INTU: variants seen among roughly 807,000 people sequenced by gnomAD.
INTU encodes protein inturned.
A neutral mutation model predicts 100.5 loss-of-function variants in INTU; 68 were observed. That is an observed-to-expected ratio of 0.68 (90% confidence interval 0.56 to 0.83). The LOEUF is 0.83. INTU is among the 40% of genes least tolerant of loss of function. The probability of loss-of-function intolerance (pLI) is 0.00; values close to 1 mark genes in which losing one functional copy is unlikely to be tolerated. For synonymous variants in INTU, 357 were observed against 395.7 expected, an observed-to-expected ratio of 0.90 and a Z score of 1.16; for missense variants, 1,071 against 1,114.7, an observed-to-expected ratio of 0.96 and a Z score of 0.56.
chr4:127,674,112 A>G lies in INTU; in HGVS notation c.1092-12A>G, dbSNP rs1729062485. The G allele has an allele frequency of 2.6e-6, 4 of 1,555,974 alleles. No homozygotes were observed. The African/African-American group carries it at 4.2e-5, about 16-fold the overall frequency. On this transcript the variant is annotated splice_polypyrimidine_tract_variant and intron_variant, in intron 5 of 15. Transcript: ENST00000335251. ...GGTATTCTAACCTTATTTTGAATAT[A>G]TTGTTTCTTAGTTCATCCCTCCTTT...
Position 127,719,877 on chromosome 4 carries a change from T to A in INTU, c.*3441T>A, listed in dbSNP as rs908670496. 2.6e-5 allele frequency: 4 copies of A among 152,146 alleles called. No homozygotes were observed. Among genetic ancestry groups the A allele is most frequent in the Admixed American group, 2.6e-4 (4 of 15,280 alleles). The allele number at this position is 152,146 out of a possible 1,614,324, so 9.4% of individuals were successfully genotyped here. On this transcript the variant is annotated 3_prime_UTR_variant, in exon 16 of 16. Coordinates refer to ENST00000335251, the MANE Select transcript of INTU (RefSeq NM_015693.4). ...TCTATTTGGTTCTTCTCTCTTTTCT[T>A]CTTTATTAGTCTAGCTAATAGTCTA...
chr4:127,642,150 C>T (rs1727363308), intron 1 of INTU, among the ~76,000 whole-genome samples: 2 of 152,124 alleles, frequency 1.3e-5, no homozygotes, highest in Admixed American at 6.5e-5. Flanking sequence ...GTTATTTAGA[C>T]TCTCAAGAGT....
intron 5 of INTU, 56 bp from the exon 6 acceptor site, chr4:127,674,068 T>C (rs1729060048): frequency 6.1e-6 from 7 of 1,147,574 alleles, no homozygotes; most frequent in Admixed American, 2.0e-5. Flanking sequence ...ATTATACTTA[T>C]AATTTTATGA....
intron 2 of INTU, among the ~76,000 whole-genome samples, chr4:127,650,741 T>G (rs1727819751): frequency 6.6e-6 from 1 of 151,586 alleles, no homozygotes; most frequent in Non-Finnish European, 1.5e-5. Context: ...TACCCAGTAA[T>G]GGGATGGCTG....
chr4:127,658,979 T>C (rs572905317), intron 3 of INTU, among the ~76,000 whole-genome samples: 2 of 152,082 alleles, frequency 1.3e-5, no homozygotes, highest in East Asian at 1.9e-4. Flanking sequence ...CAGATTATCA[T>C]GCATTAGATT....
rs1731374145 is a variant in INTU, at chr4:127,723,381, T to C, written c.*6945T>C. The C allele has an allele frequency of 6.8e-6, 1 of 147,692 alleles. No individual in the cohort carries two copies. The highest frequency in any genetic ancestry group is 1.5e-5 in the Non-Finnish European group (1 of 67,328). The allele number at this position is 147,692 out of a possible 1,614,324, so 9.1% of individuals were successfully genotyped here. A position where few individuals can be genotyped will look rare whatever the true frequency, so the allele number is the denominator to read the frequency against. Reference sequence around the variant, plus strand: ...CTCTTTGACCATCTGGGCTCTCTGTTCTACTTTTTTTTTTTTTTTTTTTGC... The same window carrying C: ...CTCTTTGACCATCTGGGCTCTCTGTCCTACTTTTTTTTTTTTTTTTTTTGC... On this transcript the variant is annotated 3_prime_UTR_variant, in exon 16 of 16. Coordinates refer to ENST00000335251, the MANE Select transcript of INTU (RefSeq NM_015693.4).
intron 14 of INTU, 49 bp from the exon 15 acceptor site, chr4:127,713,887 G>A (rs1731173045): frequency 3.1e-6 from 4 of 1,310,756 alleles, no homozygotes; most frequent in African/African-American, 1.5e-5. Context: ...ACATTTTAAA[G>A]TAACACTGGT....
chr4:127,632,975 TTAGCAAGCTA>T lies in INTU; in HGVS notation c.-55_-46del. 6.5e-7 allele frequency: 1 copy of T among 1,547,006 alleles called. No homozygotes were observed. On this transcript the variant is annotated 5_prime_UTR_variant, in exon 1 of 16. An upstream open reading frame in the 5' UTR loses its in-frame stop. Transcript: ENST00000335251. ...CCCAAGCAGAGGCAACATGGCGGCC[TTAGCAAGCTA>T]TAGCTGCGAGATTTGAATTACTCCA...
Position 127,697,911 on chromosome 4 carries a change from G to A in INTU, c.1450-2099G>A, listed in dbSNP as rs185172776. Among the ~76,000 whole-genome samples the A allele has an allele frequency of 2.2e-4, 33 of 152,152 alleles. 1 individual carries two copies. Among genetic ancestry groups the A allele is most frequent in the Admixed American group, 2.0e-3 (30 of 15,282 alleles). ...TGAGGTGGACAGATCATCTGAGGTC[G>A]GGAGTTCAAGACCAGCCTGACCAAC... On this transcript the variant is annotated intron_variant, in intron 8 of 15. Coordinates refer to ENST00000335251, the MANE Select transcript of INTU (RefSeq NM_015693.4).
chr4:127,668,768 TG>T (rs1728800930), intron 4 of INTU, among the ~76,000 whole-genome samples: 1 of 151,864 alleles, frequency 6.6e-6, no homozygotes, highest in Non-Finnish European at 1.5e-5. Context: ...TGATTTGTAA[TG>T]TAAATTAATC....
In INTU at chr4:127,711,024, C is replaced by G; in HGVS notation, c.2481C>G (p.Ile827Met). Residue 827 changes from isoleucine to methionine, a missense_variant, in exon 14 of 16, where the codon ATC (isoleucine) becomes ATG (methionine). Ile to Met is a conservative substitution (Grantham distance 10). Transcript: ENST00000335251. ...LEEVAQLSGSIHPQLIKNFHQ... is the reference protein window; with the variant it reads ...LEEVAQLSGSMHPQLIKNFHQ... Reference sequence around the variant, plus strand: ...AGGTGGCACAGCTAAGTGGCTCTATCCACCCTCAGCTAATAAAGAATTTCC... The same window carrying G: ...AGGTGGCACAGCTAAGTGGCTCTATGCACCCTCAGCTAATAAAGAATTTCC... 1 of 1,609,498 alleles carries G rather than the reference C, an allele frequency of 6.2e-7. No homozygotes were observed. The highest frequency in any genetic ancestry group is 8.5e-7 in the Non-Finnish European group (1 of 1,176,964).
chr4:127,652,070 G>A (rs1366117003), intron 2 of INTU, among the ~76,000 whole-genome samples: 1 of 140,326 alleles, frequency 7.1e-6, no homozygotes, highest in Non-Finnish European at 1.5e-5. Context: ...CATTGATTTT[G>A]TATCCTGAGA....
rs1731383135 is a variant in INTU at position 127,723,938 on chromosome 4, A to G, written c.*7502A>G. On this transcript the variant is annotated 3_prime_UTR_variant, in exon 16 of 16. Coordinates refer to ENST00000335251, the MANE Select transcript of INTU (RefSeq NM_015693.4). ...CAGTGAGCTATGATCATGCCACTGCACTCTAGCCTGGGCAACACAGTGAGA... is the reference window on the plus strand; with the variant it reads ...CAGTGAGCTATGATCATGCCACTGCGCTCTAGCCTGGGCAACACAGTGAGA... The G allele has an allele frequency of 6.6e-6, 1 of 151,582 alleles. No individual in the cohort carries two copies. Among genetic ancestry groups the G allele is most frequent in the Admixed American group, 6.6e-5 (1 of 15,190 alleles). 9.4% of individuals were successfully genotyped at this position (151,582 alleles called of 1,614,324 possible).
Position 127,643,664 on chromosome 4 carries a change from T to C in INTU, c.290T>C (p.Ile97Thr). The change falls in exon 2 of 16, where the codon ATT becomes ACT. Residue 97 changes from isoleucine to threonine, a missense_variant. Physicochemically the swap from Ile to Thr is moderately conservative, Grantham distance 89. Coordinates refer to ENST00000335251, the MANE Select transcript of INTU (RefSeq NM_015693.4). ...AGGTTCAGTGAAAATGAGATTATCATTGAAGATGACTACAAAGAAAGAAAA... is the reference window on the plus strand; with the variant it reads ...AGGTTCAGTGAAAATGAGATTATCACTGAAGATGACTACAAAGAAAGAAAA... ...HVRFSENEII[I>T]EDDYKERKKY... 1 of 1,613,698 alleles carries C rather than the reference T, an allele frequency of 6.2e-7. No individual in the cohort carries two copies. Among genetic ancestry groups the C allele is most frequent in the Non-Finnish European group, 8.5e-7 (1 of 1,179,942 alleles).
chr4:127,718,188 A>G lies in INTU; in HGVS notation c.*1752A>G, dbSNP rs1295280562. The stretch of plus-strand genomic sequence containing the variant: ...GGTATGAGGAATGGGTCCAGTTTCT[A>G]TTTTCTGCATATGGATAGCTAGTTC... On this transcript the variant is annotated 3_prime_UTR_variant, in exon 16 of 16. Coordinates refer to ENST00000335251, the MANE Select transcript of INTU (RefSeq NM_015693.4). The G allele has an allele frequency of 1.6e-4, 25 of 151,956 alleles. No individual in the cohort carries two copies. Among genetic ancestry groups the G allele is most frequent in the Admixed American group, 1.6e-3 (25 of 15,258 alleles). The allele number at this position is 151,956 out of a possible 1,614,324, so 9.4% of individuals were successfully genotyped here.
intron 1 of INTU, among the ~76,000 whole-genome samples, chr4:127,637,397 T>C (rs189348084): frequency 2.6e-5 from 4 of 152,368 alleles, no homozygotes; most frequent in African/African-American, 9.6e-5. Flanking sequence ...TCTTGTCTCA[T>C]TTCTATTGAT....
Position 127,716,500 on chromosome 4 carries a change from A to G in INTU, c.*64A>G. On this transcript the variant is annotated 3_prime_UTR_variant, in exon 16 of 16. Transcript: ENST00000335251. ...ATCAAACACTGTCAGAATTGCTGAA[A>G]TCAATACACAAAGAGATAAAGTTTA... The G allele has an allele frequency of 3.1e-6, 2 of 647,568 alleles. No homozygotes were observed. Among genetic ancestry groups the G allele is most frequent in the Non-Finnish European group, 5.2e-6 (2 of 387,342 alleles). 40.1% of individuals were successfully genotyped at this position (647,568 alleles called of 1,614,324 possible).
chr4:127,640,473 C>CA (rs1727261777), intron 1 of INTU, among the ~76,000 whole-genome samples: 2 of 143,884 alleles, frequency 1.4e-5, no homozygotes, highest in Admixed American at 7.1e-5. Flanking sequence ...GAAATCTAGA[C>CA]ATTAAGAGAG....
In INTU at chr4:127,717,324, C is replaced by T. The variant is rs1439029206; in HGVS notation, c.*888C>T. ...CCCTGCAGAGGACATGATCTCATACCTTTTTGTGGCTGCATAGTATTCCAT... is the reference window on the plus strand; with the variant it reads ...CCCTGCAGAGGACATGATCTCATACTTTTTTGTGGCTGCATAGTATTCCAT... On this transcript the variant is annotated 3_prime_UTR_variant, in exon 16 of 16. Coordinates refer to ENST00000335251, the MANE Select transcript of INTU (RefSeq NM_015693.4). 1 of 152,118 alleles carries T rather than the reference C, an allele frequency of 6.6e-6. No homozygotes were observed. The highest frequency in any genetic ancestry group is 2.4e-5 in the African/African-American group (1 of 41,416). 9.4% of individuals were successfully genotyped at this position (152,118 alleles called of 1,614,324 possible). A position where few individuals can be genotyped will look rare whatever the true frequency, so the allele number is the denominator to read the frequency against.
Sources: gnomAD v4.1 joint callset for allele counts (sites outside exome capture counted in the v4.1 genomes callset) on GRCh38, gnomAD v4.1.1 for gene constraint, MANE v1.5 for transcripts, NCBI Gene and HGNC (gene_info 2026-07-23, HGNC 2026-07-21) for gene names.